The following FKBP1A variants were observed in gnomAD, a reference collection of about 807,000 sequenced individuals.
FKBP1A encodes peptidyl-prolyl cis-trans isomerase FKBP1A.
FKBP1A carries 5 observed loss-of-function variants against 14.2 expected under a neutral mutation model. That is an observed-to-expected ratio of 0.35 (90% CI 0.18 to 0.74). FKBP1A has a LOEUF of 0.74. Among genes scored for constraint, FKBP1A ranks in the 30% least tolerant of loss-of-function variants. FKBP1A has a pLI of 0.56. For missense variants in FKBP1A, 53 were observed against 138.8 expected, an observed-to-expected ratio of 0.38 and a Z score of 3.10; for synonymous variants, 42 against 49.1, an observed-to-expected ratio of 0.86 and a Z score of 0.60.
At chr20:1,392,755 C>G (rs985719498) in intron 2 of FKBP1A, 79 bp downstream of exon 2, 4 of 1,088,250 alleles carry the variant, frequency 3.7e-6, no homozygotes, top group Non-Finnish European at 4.8e-6. Flanking sequence ...AGGCCCCGGG[C>G]CCCCAGGCCT....
Position 1,369,760 on chromosome 20 carries a change from C to A in FKBP1A, c.*349G>T. ...CACCAATTCCTATTCTAATGTTAAC[C>A]TACCACTTGTGCTGTTAATACTTGA... On this transcript the variant is annotated 3_prime_UTR_variant, in exon 5 of 5. Coordinates refer to ENST00000400137, the MANE Select transcript of FKBP1A (RefSeq NM_000801.5). 3.4e-6 allele frequency: 1 copy of A among 298,210 alleles called. No homozygotes were observed. Among genetic ancestry groups the A allele is most frequent in the Non-Finnish European group, 6.5e-6 (1 of 153,466 alleles). 18.5% of individuals were successfully genotyped at this position (298,210 alleles called of 1,614,324 possible).
chr20:1,391,219 C>T (rs1218459110), intron 2 of FKBP1A, among the ~76,000 whole-genome samples: 1 of 152,104 alleles, frequency 6.6e-6, no homozygotes, highest in Non-Finnish European at 1.5e-5. Context: ...CAGAAGGCAG[C>T]TCCTCACGGC....
chr20:1,388,040 A>G (rs573227118), intron 2 of FKBP1A, among the ~76,000 whole-genome samples: 1 of 152,376 alleles, frequency 6.6e-6, no homozygotes, highest in African/African-American at 2.4e-5. Flanking sequence ...GAGACCATCT[A>G]TGGCTACCTA....
At chr20:1,377,137 G>A (rs1401050583) in intron 2 of FKBP1A, 1 of 152,192 alleles carries the variant, frequency 6.6e-6, no homozygotes, top group Non-Finnish European at 1.5e-5. Flanking sequence ...TTACAGTTCT[G>A]TTGTGTAAGA....
intron 2 of FKBP1A, among the ~76,000 whole-genome samples, chr20:1,388,056 TCCACAGATCACTGC>T (rs2089687523): frequency 1.3e-5 from 2 of 152,164 alleles, no homozygotes; most frequent in African/African-American, 4.8e-5. Flanking sequence ...ACCTAAGCAC[TCCACAGATCACTGC>T]TAAATGCAAA....
intron 3 of FKBP1A, chr20:1,373,224 T>C (rs2089492917): frequency 6.6e-6 from 1 of 152,234 alleles, no homozygotes; most frequent in South Asian, 2.1e-4. Flanking sequence ...ATTCCTTGAC[T>C]CAGCAATTCT....
intron 2 of FKBP1A, among the ~76,000 whole-genome samples, chr20:1,383,083 C>T (rs949052958): frequency 4.6e-5 from 7 of 152,152 alleles, no homozygotes; most frequent in African/African-American, 1.7e-4. Context: ...TGGAGATTCA[C>T]AAGGACCACT....
At chr20:1,391,095 C>A (rs908344084) in intron 2 of FKBP1A, among the ~76,000 whole-genome samples, 9 of 152,138 alleles carry the variant, frequency 5.9e-5, no homozygotes, top group Non-Finnish European at 7.3e-5. Context: ...GGGTCCAGTC[C>A]TGTTGGCAGC....
At position 1,370,059 on chromosome 20, in the gene FKBP1A, C is replaced by T; in HGVS notation, c.*50G>A. On this transcript the variant is annotated 3_prime_UTR_variant, in exon 5 of 5. Transcript: ENST00000400137. ...TGCACATGTCTGGAGGCACCAGATC[C>T]CTCCATGGCAGATCTGTTGGGGACA... 6.5e-7 allele frequency: 1 copy of T among 1,549,804 alleles called. No homozygotes were observed. The highest frequency in any genetic ancestry group is 8.7e-7 in the Non-Finnish European group (1 of 1,146,934).
chr20:1,384,331 T>C (rs906343962), intron 2 of FKBP1A, among the ~76,000 whole-genome samples: 2 of 152,202 alleles, frequency 1.3e-5, no homozygotes, highest in South Asian at 2.1e-4. Context: ...TAAAAAACTA[T>C]TGCTAGTGAA....
intron 4 of FKBP1A, 119 bp from the exon 5 acceptor site, chr20:1,370,191 G>A: frequency 1.4e-6 from 2 of 1,442,864 alleles, no homozygotes; most frequent in South Asian, 1.5e-5. Flanking sequence ...AGCAGTCTGA[G>A]ACCAAGCCAC....
intron 2 of FKBP1A, among the ~76,000 whole-genome samples, chr20:1,387,532 T>C (rs1217293770): frequency 6.6e-6 from 1 of 152,162 alleles, no homozygotes; most frequent in African/African-American, 2.4e-5. Context: ...TCAGTTAACA[T>C]TCATTTTTCA....
At position 1,382,617 on chromosome 20, in the gene FKBP1A, A is replaced by G. The variant is rs541266392; in HGVS notation, c.86-7014T>C. Among the ~76,000 whole-genome samples, 122 of 152,324 alleles carry G rather than the reference A, an allele frequency of 8.0e-4. 1 individual carries two copies. Among genetic ancestry groups the G allele is most frequent in the Admixed American group, 1.3e-3 (20 of 15,296 alleles). On this transcript the variant is annotated intron_variant, in intron 2 of 4. Transcript: ENST00000400137. ...TACTTGCATGATTTTTAAGAACCAG[A>G]AGGACAAGCATGAGGCCTTCATATT...
chr20:1,383,520 A>C (rs1475641029), intron 2 of FKBP1A, among the ~76,000 whole-genome samples: 1 of 151,962 alleles, frequency 6.6e-6, no homozygotes, highest in African/African-American at 2.4e-5. Flanking sequence ...CAAAAAGTAC[A>C]ATGAGGCCAG....
chr20:1,378,507 T>C (rs1365910310), intron 2 of FKBP1A: 3 of 150,492 alleles, frequency 2.0e-5, no homozygotes, highest in African/African-American at 7.3e-5. Context: ...CCACCAAGAG[T>C]GAACCCTAAT....
At chr20:1,387,421 T>C (rs546974820) in intron 2 of FKBP1A, among the ~76,000 whole-genome samples, 27 of 152,280 alleles carry the variant, frequency 1.8e-4, no homozygotes, top group Admixed American at 1.0e-3. Flanking sequence ...ATGGGTATCA[T>C]TGATCTTAAG....
In FKBP1A at chr20:1,370,133, G is replaced by A. The variant is rs943145785; in HGVS notation, c.*37-61C>T. ...CTCAGTGTTCTTTGTGTGCAGTGGC[G>A]ACAGCCACGATGCCATCTGCCACGC... On this transcript the variant is annotated intron_variant, in intron 4 of 4. Transcript: ENST00000400137. 5.3e-5 allele frequency: 81 copies of A among 1,529,626 alleles called. No homozygotes were observed. In the African/African-American group the frequency reaches 5.8e-4, roughly 11 times the overall value. The allele number at this position is 1,529,626 out of a possible 1,614,324, so 94.8% of individuals were successfully genotyped here.
intron 2 of FKBP1A, among the ~76,000 whole-genome samples, chr20:1,381,259 C>T (rs2089613946): frequency 6.6e-6 from 1 of 151,870 alleles, no homozygotes; most frequent in Non-Finnish European, 1.5e-5. Context: ...ATTAAGAAAA[C>T]CAATAAAAAA....
At chr20:1,378,580 T>C (rs2089579736) in intron 2 of FKBP1A, 1 of 152,124 alleles carries the variant, frequency 6.6e-6, no homozygotes, top group South Asian at 2.1e-4. Flanking sequence ...GCAACACACG[T>C]ACCATTCTAG....
Sources: gnomAD v4.1 joint callset for allele counts (sites outside exome capture counted in the v4.1 genomes callset) on GRCh38, gnomAD v4.1.1 for gene constraint, MANE v1.5 for transcripts, NCBI Gene and HGNC (gene_info 2026-07-23, HGNC 2026-07-21) for gene names.